The following RBM6 variants were observed in gnomAD, a reference collection of about 807,000 sequenced individuals.
RBM6 encodes RNA-binding protein 6.
A neutral mutation model predicts 140.4 loss-of-function variants in RBM6; 23 were observed. That is an observed-to-expected ratio of 0.16 (90% CI 0.12 to 0.23). The LOEUF is 0.23. Ranked by LOEUF, RBM6 falls within the 10% of genes least tolerant of loss-of-function variation. The pLI is 1.00. For missense variants in RBM6, 1,139 were observed against 1,386.7 expected (o/e 0.82, Z 2.84); for synonymous variants, 439 against 475.6 (o/e 0.92, Z 1.00).
At chr3:50,069,213 G>T (rs1391457211) in intron 18 of RBM6, among the ~76,000 whole-genome samples, 1 of 152,112 alleles carries the variant, frequency 6.6e-6, no homozygotes, top group African/African-American at 2.4e-5. Flanking sequence ...TCTCATGATG[G>T]TTAAGAACCC....
At chr3:50,072,083 C>CAAAAA (rs974465674) in intron 19 of RBM6, among the ~76,000 whole-genome samples, 41 of 40,948 alleles carry the variant, frequency 1.0e-3, no homozygotes, top group Non-Finnish European at 1.4e-3. Context: ...GACTCTGTCT[C>CAAAAA]AAAAAAAAAA....
chr3:49,979,270 G>A (rs1250881719), intron 5 of RBM6, among the ~76,000 whole-genome samples: 1 of 152,104 alleles, frequency 6.6e-6, no homozygotes, highest in Non-Finnish European at 1.5e-5. Context: ...GGGGCTAAGC[G>A]GGAATGGGGA....
intron 5 of RBM6, among the ~76,000 whole-genome samples, chr3:49,994,669 G>GTGTGTGTGTGT (rs3223538): frequency 1.3e-5 from 2 of 148,164 alleles, no homozygotes; most frequent in African/African-American, 2.5e-5. Context: ...AAGGCTGTGG[G>GTGTGTGTGTGT]GTGTGTGTGT....
At chr3:49,995,984 G>A (rs1477672004) in intron 5 of RBM6, among the ~76,000 whole-genome samples, 1 of 152,096 alleles carries the variant, frequency 6.6e-6, no homozygotes, top group Non-Finnish European at 1.5e-5. Context: ...TGCATTATAT[G>A]CATTTTCTGA....
intron 5 of RBM6, among the ~76,000 whole-genome samples, chr3:49,989,947 A>AT (rs1036167652): frequency 1.6e-4 from 25 of 152,128 alleles, no homozygotes; most frequent in Admixed American, 7.9e-4. Context: ...AGGTTTCACC[A>AT]TGTTGGCCAC....
rs1034580276 is a variant in RBM6 at position 50,068,376 on chromosome 3, G to C, written c.2944-314G>C. Among the ~76,000 whole-genome samples, 3 of 152,310 alleles carry C rather than the reference G, an allele frequency of 2.0e-5. No individual in the cohort carries two copies. The East Asian group carries it at 5.8e-4, about 29-fold the overall frequency. On this transcript the variant is annotated intron_variant, in intron 17 of 20. Coordinates refer to ENST00000266022, the MANE Select transcript of RBM6 (RefSeq NM_005777.3). ...GGGAATGGTATGTATGGCAGAGTAT[G>C]TGGGCATTTGGTTTTCTTCACTGGT...
At chr3:50,026,901 C>CG (rs2087864528) in intron 6 of RBM6, among the ~76,000 whole-genome samples, 1 of 119,550 alleles carries the variant, frequency 8.4e-6, no homozygotes, top group African/African-American at 3.6e-5. Context: ...CTTGTCTCAC[C>CG]AAAAAAAAAA....
At chr3:49,998,184 T>C (rs559270932) in intron 5 of RBM6, among the ~76,000 whole-genome samples, 2 of 152,362 alleles carry the variant, frequency 1.3e-5, no homozygotes, top group African/African-American at 2.4e-5. Flanking sequence ...AGCCATTCAT[T>C]TCATGTGACA....
rs751604271 is a variant in RBM6 at position 49,982,262 on chromosome 3, C to CTTTT, written c.1483+6895_1483+6898dup. Among the ~76,000 whole-genome samples, 288 of 68,386 alleles carry CTTTT rather than the reference C, an allele frequency of 4.2e-3. 13 individuals are homozygous for CTTTT. Among genetic ancestry groups the CTTTT allele is most frequent in the African/African-American group, 0.013 (218 of 16,756 alleles). The allele number at this position is 68,386 out of a possible 152,430, so 44.9% of individuals were successfully genotyped here. ...GTACCTTCTGCATTTCTTTTCTTTT[C>CTTTT]TTTTTTTTTTTTTTTTTTTTTTTTT... On this transcript the variant is annotated intron_variant, in intron 5 of 20. Coordinates refer to ENST00000266022, the MANE Select transcript of RBM6 (RefSeq NM_005777.3).
At chr3:49,991,851 C>G (rs1249665365) in intron 5 of RBM6, among the ~76,000 whole-genome samples, 58 of 152,194 alleles carry the variant, frequency 3.8e-4, no homozygotes, top group Admixed American at 3.7e-3. Flanking sequence ...ATCTGGGCCA[C>G]TATGTTTGCT....
intron 5 of RBM6, among the ~76,000 whole-genome samples, chr3:49,994,265 A>G (rs1038920802): frequency 6.6e-6 from 1 of 151,952 alleles, no homozygotes; most frequent in East Asian, 1.9e-4. Flanking sequence ...ACAAGGTCTC[A>G]TTATATTGCC....
rs985962579 is a variant in RBM6, at chr3:49,965,732, C to T, written c.45-1738C>T. Among the ~76,000 whole-genome samples, 6 of 151,446 alleles carry T rather than the reference C, an allele frequency of 4.0e-5. No individual in the cohort carries two copies. In the East Asian group the frequency reaches 9.8e-4, roughly 25 times the overall value. Reference sequence around the variant, plus strand: ...CTTATGATGAACCACATAGACATAACTAGTGTTAATGGGGGTCAGTGGAAG... The same window carrying T: ...CTTATGATGAACCACATAGACATAATTAGTGTTAATGGGGGTCAGTGGAAG... On this transcript the variant is annotated intron_variant, in intron 2 of 20. Coordinates refer to ENST00000266022, the MANE Select transcript of RBM6 (RefSeq NM_005777.3).
At chr3:50,040,443 CTCAAAAAA>C (rs1559619677) in intron 6 of RBM6, among the ~76,000 whole-genome samples, 2 of 46,166 alleles carry the variant, frequency 4.3e-5, no homozygotes, top group African/African-American at 2.4e-4. Flanking sequence ...AAGGCTCCTT[CTCAAAAAA>C]AAAAAAAAAA....
intron 6 of RBM6, among the ~76,000 whole-genome samples, chr3:50,022,030 G>A (rs755694861): frequency 8.6e-5 from 13 of 151,726 alleles, no homozygotes; most frequent in Middle Eastern, 3.4e-3. Context: ...CTGTAGCCTG[G>A]GTGACAGAGT....
chr3:50,000,204 T>A (rs1021266911), intron 6 of RBM6, among the ~76,000 whole-genome samples: 1 of 152,186 alleles, frequency 6.6e-6, no homozygotes, highest in Non-Finnish European at 1.5e-5. Context: ...CTGGTAGTTT[T>A]GAGAGGAATT....
At chr3:50,052,228 CT>C (rs2089498798) in intron 7 of RBM6, among the ~76,000 whole-genome samples, 1 of 152,148 alleles carries the variant, frequency 6.6e-6, no homozygotes, top group African/African-American at 2.4e-5. Flanking sequence ...CCATCCCCAG[CT>C]AATTTTTGTA....
intron 1 of RBM6, among the ~76,000 whole-genome samples, chr3:49,944,717 C>T (rs1470350057): frequency 1.3e-5 from 2 of 151,984 alleles, no homozygotes; most frequent in East Asian, 3.8e-4. Flanking sequence ...CTCAGGTGAT[C>T]AACCTGCCTC....
In RBM6 at chr3:49,997,541, G is replaced by A. The variant is rs550512926; in HGVS notation, c.1484-1899G>A. Reference sequence around the variant, plus strand: ...TATTAGTTCTCTATGTTTTTCATCCGGGCAGCTATGGAGAGGGTTGCTTTC... The same window carrying A: ...TATTAGTTCTCTATGTTTTTCATCCAGGCAGCTATGGAGAGGGTTGCTTTC... On this transcript the variant is annotated intron_variant, in intron 5 of 20. Transcript: ENST00000266022. Among the ~76,000 whole-genome samples, 52 of 152,150 alleles carry A rather than the reference G, an allele frequency of 3.4e-4. No homozygotes were observed. The Middle Eastern group carries it at 0.01, about 30-fold the overall frequency.
At chr3:49,991,040 C>T (rs981154047) in intron 5 of RBM6, among the ~76,000 whole-genome samples, 2 of 152,220 alleles carry the variant, frequency 1.3e-5, no homozygotes, top group African/African-American at 4.8e-5. Context: ...GTTACCTACA[C>T]TTATGTCTGA....
Sources: allele counts gnomAD v4.1 joint callset (sites outside exome capture counted in the v4.1 genomes callset), GRCh38; gene constraint gnomAD v4.1.1; transcripts MANE v1.5; gene names NCBI Gene and HGNC (gene_info 2026-07-23, HGNC 2026-07-21).